Variants in NHS observed in about 807,000 individuals in gnomAD.
The protein encoded by NHS is actin remodeling regulator NHS.
Under a neutral mutation model 72.5 loss-of-function variants are expected in NHS, and 5 were observed. That is an observed-to-expected ratio of 0.07 (90% CI 0.04 to 0.14). The LOEUF is 0.14. NHS is among the 10% of genes least tolerant of loss of function. The pLI is 1.00. For missense variants in NHS, 1,072 were observed against 1,355.7 expected, an observed-to-expected ratio of 0.79 and a Z score of 3.29; for synonymous variants, 464 against 547.7, an observed-to-expected ratio of 0.85 and a Z score of 2.13.
At chrX:17,694,678 A>T (rs1305849616) in intron 3 of NHS, among the ~76,000 whole-genome samples, 1 of 112,192 alleles carries the variant, frequency 8.9e-6, no homozygotes, top group African/African-American at 3.2e-5. Flanking sequence ...TCTTGGGGAT[A>T]GAAGTAGATA....
chrX:17,549,147 A>AAAG (rs1556005739), intron 1 of NHS, among the ~76,000 whole-genome samples: 1 of 105,336 alleles, frequency 9.5e-6, no homozygotes, highest in African/African-American at 3.5e-5. Context: ...AAAAAAAAAA[A>AAAG]AAAGAAAGAA....
chrX:17,578,276 C>T (rs753111037), intron 1 of NHS, among the ~76,000 whole-genome samples: 1 of 112,151 alleles, frequency 8.9e-6, no homozygotes, highest in Non-Finnish European at 1.9e-5. Context: ...TGTATATTCT[C>T]AGTAACTATG....
rs1263256246 is a variant in NHS at position 17,727,413 on chromosome X, C to T, written c.3307C>T (p.His1103Tyr). ...TCATAATGTCTTGAACAAACCATTC[C>T]ACCACCGTCATCCACTGCATGTTTT... ...ALHNVLNKPF[H>Y]HRHPLHVFTH... The change falls in exon 7 of 9, where the codon CAC becomes TAC. Residue 1103 changes from histidine to tyrosine, a missense_variant. By Grantham distance (83) the His-to-Tyr change is moderately conservative. Coordinates refer to ENST00000676302, the MANE Select transcript of NHS (RefSeq NM_001291867.2). The T allele has an allele frequency of 8.3e-7, 1 of 1,211,140 alleles. No individual in the cohort carries two copies. The highest frequency in any genetic ancestry group is 2.2e-5 in the Admixed American group (1 of 46,003).
intron 1 of NHS, among the ~76,000 whole-genome samples, chrX:17,679,910 G>A (rs2066115431): frequency 9.1e-6 from 1 of 110,259 alleles, no homozygotes; most frequent in Non-Finnish European, 1.9e-5. Context: ...TTCCATCAAT[G>A]TCATCTTTCC....
rs191040561 is a variant in NHS at position 17,578,577 on chromosome X, A to G, written c.566-109165A>G. ...GGGTGTATGGATTCAGTGAGTTCCTATATATCGAAATACTCAAGAGTGTAA... is the reference window on the plus strand; with the variant it reads ...GGGTGTATGGATTCAGTGAGTTCCTGTATATCGAAATACTCAAGAGTGTAA... On this transcript the variant is annotated intron_variant, in intron 1 of 8. Coordinates refer to ENST00000676302, the MANE Select transcript of NHS (RefSeq NM_001291867.2). 2.7e-3 allele frequency among the ~76,000 whole-genome samples: 306 copies of G among 112,232 alleles called. 2 individuals are homozygous for G. Among genetic ancestry groups the G allele is most frequent in the African/African-American group, 9.4e-3 (291 of 30,890 alleles).
At chrX:17,708,481 T>G (rs761916303) in intron 3 of NHS, among the ~76,000 whole-genome samples, 1 of 112,144 alleles carries the variant, frequency 8.9e-6, no homozygotes, top group African/African-American at 3.2e-5. Context: ...GAATGCCTAC[T>G]ATTAATAAGT....
At chrX:17,454,657 T>A (rs1205853952) in intron 1 of NHS, among the ~76,000 whole-genome samples, 1 of 112,298 alleles carries the variant, frequency 8.9e-6, no homozygotes, top group African/African-American at 3.2e-5. Flanking sequence ...TCCACTTCAG[T>A]TTATTCATCT....
chrX:17,712,361 TACACACACAC>T (rs745619023), intron 3 of NHS, among the ~76,000 whole-genome samples: 1 of 77,086 alleles, frequency 1.3e-5, no homozygotes, highest in African/African-American at 5.4e-5. Context: ...CACATTTGTA[TACACACACAC>T]ACACACACAC....
rs1233147921 is a variant in NHS, at chrX:17,477,238, G to A, written c.565+100916G>A. On this transcript the variant is annotated intron_variant, in intron 1 of 8. Transcript: ENST00000676302. ...ATCAAGCAATCAAGGAAAGCCTCAC[G>A]GAGAAGTGGATATGTGAGTGAAAAC... Among the ~76,000 whole-genome samples the A allele has an allele frequency of 4.5e-5, 5 of 111,953 alleles. No homozygotes were observed. The East Asian group carries it at 1.1e-3, about 25-fold the overall frequency.
chrX:17,676,072 T>C (rs2066078482), intron 1 of NHS, among the ~76,000 whole-genome samples: 1 of 112,259 alleles, frequency 8.9e-6, no homozygotes, highest in African/African-American at 3.2e-5. Context: ...ATGTGCTAAT[T>C]ACCTTACTGC....
At chrX:17,651,006 C>T (rs2065928395) in intron 1 of NHS, among the ~76,000 whole-genome samples, 2 of 112,157 alleles carry the variant, frequency 1.8e-5, no homozygotes, top group African/African-American at 6.5e-5. Flanking sequence ...GAAATACCCC[C>T]ACTCTTCTCA....
chrX:17,411,791 C>T (rs2064560446), intron 1 of NHS, among the ~76,000 whole-genome samples: 1 of 111,832 alleles, frequency 8.9e-6, no homozygotes, highest in Non-Finnish European at 1.9e-5. Context: ...TGGCTCCCTA[C>T]CCTATGTTTA....
At chrX:17,520,453 T>A (rs942410554) in intron 1 of NHS, among the ~76,000 whole-genome samples, 5 of 111,710 alleles carry the variant, frequency 4.5e-5, no homozygotes. Flanking sequence ...CACATTCTGT[T>A]TGGACAGAAA....
intron 1 of NHS, among the ~76,000 whole-genome samples, chrX:17,589,247 T>C (rs1328207106): frequency 9.0e-6 from 1 of 111,705 alleles, no homozygotes; most frequent in African/African-American, 3.3e-5. Flanking sequence ...TGTGAGATTT[T>C]GGTACACCCA....
chrX:17,543,853 G>C (rs2065276802), intron 1 of NHS, among the ~76,000 whole-genome samples: 2 of 111,486 alleles, frequency 1.8e-5, no homozygotes, highest in Admixed American at 9.5e-5. Context: ...TCACTTAAAA[G>C]TGCCTGGATT....
At chrX:17,574,953 T>A (rs2065502040) in intron 1 of NHS, among the ~76,000 whole-genome samples, 1 of 111,661 alleles carries the variant, frequency 9.0e-6, no homozygotes, top group East Asian at 2.8e-4. Flanking sequence ...GACATGAGGG[T>A]CTGTTTTAAC....
rs949370233 is a variant in NHS, at chrX:17,702,944, A to T, written c.852+10476A>T. Among the ~76,000 whole-genome samples, 5 of 109,817 alleles carry T rather than the reference A, an allele frequency of 4.6e-5. No homozygotes were observed. The Admixed American group carries it at 4.9e-4, about 11-fold the overall frequency. On this transcript the variant is annotated intron_variant, in intron 3 of 8. Coordinates refer to ENST00000676302, the MANE Select transcript of NHS (RefSeq NM_001291867.2). ...CTTCCCACCCCTTCCCCATCCCTTT[A>T]AGGTGGTATTCTTTAGCCATTCCCT...
Position 17,400,369 on chromosome X carries a change from C to T in NHS, c.565+24047C>T, listed in dbSNP as rs760618461. ...CTGGGAGGCTGAAGTGGGTGGATTA[C>T]GAGGTCAGGATTTCGAGACCAGCCT... On this transcript the variant is annotated intron_variant, in intron 1 of 8. Coordinates refer to ENST00000676302, the MANE Select transcript of NHS (RefSeq NM_001291867.2). Among the ~76,000 whole-genome samples, 10 of 111,444 alleles carry T rather than the reference C, an allele frequency of 9.0e-5. No individual in the cohort carries two copies. In the South Asian group the frequency reaches 3.4e-3, roughly 38 times the overall value.
At chrX:17,578,158 T>G (rs188907093) in intron 1 of NHS, among the ~76,000 whole-genome samples, 1 of 112,644 alleles carries the variant, frequency 8.9e-6, no homozygotes, top group Non-Finnish European at 1.9e-5. Flanking sequence ...CTATAACAGC[T>G]TCTCTGAACA....
Sources: gnomAD v4.1 joint callset for allele counts (sites outside exome capture counted in the v4.1 genomes callset) on GRCh38, gnomAD v4.1.1 for gene constraint, MANE v1.5 for transcripts, NCBI Gene and HGNC (gene_info 2026-07-23, HGNC 2026-07-21) for gene names.